The following CCSER1 variants were observed in gnomAD, a reference collection of about 807,000 sequenced individuals.
CCSER1 encodes the protein serine-rich coiled-coil domain-containing protein 1.
Under a neutral mutation model 82.0 loss-of-function variants are expected in CCSER1, and 41 were observed. The observed-to-expected ratio is 0.50, with a 90% CI of 0.39 to 0.65. The LOEUF (loss-of-function observed/expected upper bound fraction) is 0.65. Ranked by LOEUF, CCSER1 falls within the 30% of genes least tolerant of loss-of-function variation. The probability of loss-of-function intolerance (pLI) is 0.00; values close to 1 mark genes in which losing one functional copy is unlikely to be tolerated. For missense variants in CCSER1, 1,119 were observed against 1,064.2 expected (o/e 1.05, Z -0.72); for synonymous variants, 414 against 383.9 (o/e 1.08, Z -0.92).
chr4:90,824,325 T>C (rs909767751), intron 8 of CCSER1, among the ~76,000 whole-genome samples: 9 of 151,988 alleles, frequency 5.9e-5, no homozygotes, highest in Admixed American at 2.0e-4. Flanking sequence ...TTGTTAACAA[T>C]TGAATAGCAA....
At chr4:90,798,073 AAGTT>A (rs749696249) in intron 7 of CCSER1, among the ~76,000 whole-genome samples, 14 of 152,304 alleles carry the variant, frequency 9.2e-5, no homozygotes, top group Admixed American at 5.9e-4. Flanking sequence ...TATGTTTTCC[AAGTT>A]GGCTCTATTC....
intron 10 of CCSER1, among the ~76,000 whole-genome samples, chr4:91,378,517 A>G (rs1008066143): frequency 9.1e-4 from 138 of 152,224 alleles, no homozygotes; most frequent in African/African-American, 3.1e-3. Context: ...AAGCAATTGT[A>G]AATGGGAGTT....
At chr4:91,013,993 A>G (rs72884783) in intron 9 of CCSER1, among the ~76,000 whole-genome samples, 10,526 of 132,592 alleles carry the variant, frequency 0.079, 1,801 homozygotes, top group African/African-American at 0.22. Context: ...AGGGATTTTC[A>G]TAGGAATTGT....
At chr4:91,212,083 T>C (rs1458394803) in intron 10 of CCSER1, among the ~76,000 whole-genome samples, 3 of 152,086 alleles carry the variant, frequency 2.0e-5, no homozygotes, top group Non-Finnish European at 4.4e-5. Context: ...CTGGGAACAT[T>C]GCCTTAAATT....
At chr4:90,713,179 G>A (rs775866107) in intron 6 of CCSER1, among the ~76,000 whole-genome samples, 10 of 151,880 alleles carry the variant, frequency 6.6e-5, no homozygotes, top group Non-Finnish European at 1.0e-4. Flanking sequence ...ATTTGATCCC[G>A]TCATAATGAT....
At chr4:91,154,008 G>A (rs1730542043) in intron 10 of CCSER1, among the ~76,000 whole-genome samples, 1 of 152,058 alleles carries the variant, frequency 6.6e-6, no homozygotes, top group East Asian at 1.9e-4. Context: ...CAAACTCTGT[G>A]CTGGGAGAAC....
In CCSER1 at chr4:90,900,094, G is replaced by GTTTT. The variant is rs70963096; in HGVS notation, c.2095-23262_2095-23259dup. 3.6e-4 allele frequency among the ~76,000 whole-genome samples: 37 copies of GTTTT among 102,156 alleles called. 2 individuals carry two copies. The highest frequency in any genetic ancestry group is 1.5e-3 in the East Asian group (6 of 4,020). 67.0% of individuals were successfully genotyped at this position (102,156 alleles called of 152,430 possible). ...TGCTGTGAAACCCTCTGGTCCCAGAGTTTTTTTTTTTTTTTTTGTAGATAT... is the reference window on the plus strand; with the variant it reads ...TGCTGTGAAACCCTCTGGTCCCAGAGTTTTTTTTTTTTTTTTTTTTTGTAGATAT... On this transcript the variant is annotated intron_variant, in intron 8 of 10. Coordinates refer to ENST00000509176, the MANE Select transcript of CCSER1 (RefSeq NM_001145065.2).
intron 1 of CCSER1, among the ~76,000 whole-genome samples, chr4:90,227,920 T>TA (rs1743533607): frequency 2.6e-5 from 4 of 152,142 alleles, no homozygotes; most frequent in African/African-American, 4.8e-5. Flanking sequence ...CCGACGGGCT[T>TA]AAAAAACGCC....
chr4:90,739,652 A>G (rs1433308841), intron 7 of CCSER1, among the ~76,000 whole-genome samples: 1 of 152,206 alleles, frequency 6.6e-6, no homozygotes, highest in Non-Finnish European at 1.5e-5. Context: ...TGGGATGAGT[A>G]ATTCACCTCT....
chr4:91,288,968 A>G (rs1228062121), intron 10 of CCSER1, among the ~76,000 whole-genome samples: 3 of 152,070 alleles, frequency 2.0e-5, no homozygotes, highest in African/African-American at 7.2e-5. Context: ...CGATTGAGTC[A>G]TAAATAACAA....
chr4:90,131,880 G>A (rs1722886157), intron 1 of CCSER1, among the ~76,000 whole-genome samples: 1 of 151,976 alleles, frequency 6.6e-6, no homozygotes, highest in Non-Finnish European at 1.5e-5. Context: ...GTTGATTTTA[G>A]ACAAACTGCT....
intron 10 of CCSER1, among the ~76,000 whole-genome samples, chr4:91,256,324 A>G (rs368459531): frequency 6.6e-6 from 1 of 152,298 alleles, no homozygotes; most frequent in East Asian, 1.9e-4. Flanking sequence ...TTTATCAATG[A>G]CAATGCATAC....
intron 1 of CCSER1, among the ~76,000 whole-genome samples, chr4:90,300,667 A>G (rs1732921590): frequency 6.6e-6 from 1 of 152,176 alleles, no homozygotes; most frequent in Non-Finnish European, 1.5e-5. Context: ...AAGCAATGAG[A>G]AAGAAGAAAA....
chr4:90,692,619 G>A (rs951915113), intron 6 of CCSER1, among the ~76,000 whole-genome samples: 8 of 151,800 alleles, frequency 5.3e-5, no homozygotes, highest in African/African-American at 1.7e-4. Context: ...TAATTTTGAC[G>A]TATGAATTCT....
intron 10 of CCSER1, among the ~76,000 whole-genome samples, chr4:91,312,215 T>G (rs1161103033): frequency 6.6e-6 from 1 of 151,756 alleles, no homozygotes; most frequent in Admixed American, 6.6e-5. Flanking sequence ...ACTAAAAGAA[T>G]GACTAGATTA....
At chr4:91,027,517 T>C (rs1484951278) in intron 9 of CCSER1, among the ~76,000 whole-genome samples, 1 of 152,062 alleles carries the variant, frequency 6.6e-6, no homozygotes, top group Non-Finnish European at 1.5e-5. Context: ...AAAGACTACT[T>C]TTATATCTAT....
chr4:91,570,639 G>A (rs981336508), intron 10 of CCSER1, among the ~76,000 whole-genome samples: 9 of 152,148 alleles, frequency 5.9e-5, no homozygotes, highest in African/African-American at 1.9e-4. Context: ...GAAGCAGCTG[G>A]TATGCAGGGC....
intron 5 of CCSER1, among the ~76,000 whole-genome samples, chr4:90,469,917 A>C (rs1308258144): frequency 1.3e-5 from 2 of 152,294 alleles, no homozygotes; most frequent in East Asian, 3.9e-4. Context: ...ATATTAGTTG[A>C]GCATCCTAAA....
chr4:91,204,809 A>G (rs1354148869), intron 10 of CCSER1, among the ~76,000 whole-genome samples: 1 of 151,776 alleles, frequency 6.6e-6, no homozygotes, highest in Non-Finnish European at 1.5e-5. Flanking sequence ...AAAGGTTAGC[A>G]TGGGTTGTCT....
Sources: gnomAD v4.1 joint callset for allele counts (sites outside exome capture counted in the v4.1 genomes callset) on GRCh38, gnomAD v4.1.1 for gene constraint, MANE v1.5 for transcripts, NCBI Gene and HGNC (gene_info 2026-07-23, HGNC 2026-07-21) for gene names.